TMTC2: variants seen among roughly 807,000 people sequenced by gnomAD.
TMTC2 encodes the protein protein O-mannosyl-transferase TMTC2.
In TMTC2, 43 loss-of-function variants were observed where a neutral mutation model predicts 82.4. The observed-to-expected ratio is 0.52, with a 90% CI of 0.41 to 0.67. The LOEUF is 0.67. Among genes scored for constraint, TMTC2 ranks in the 30% least tolerant of loss-of-function variants. The pLI is 0.00. For missense variants in TMTC2, 919 were observed against 1,012.4 expected, an observed-to-expected ratio of 0.91 and a Z score of 1.25; for synonymous variants, 408 against 381.9, an observed-to-expected ratio of 1.07 and a Z score of -0.80.
At chr12:83,071,267 G>T (rs966373888) in intron 11 of TMTC2, among the ~76,000 whole-genome samples, 3 of 150,398 alleles carry the variant, frequency 2.0e-5, no homozygotes, top group African/African-American at 7.4e-5. Flanking sequence ...CCATTCTCCT[G>T]CCTCAGCCTC....
chr12:83,031,082 A>G (rs1881411287), intron 9 of TMTC2, among the ~76,000 whole-genome samples: 1 of 152,106 alleles, frequency 6.6e-6, no homozygotes. Context: ...TAGTAATTTT[A>G]ATAGGATTTT....
chr12:82,800,892 A>G (rs537634688), intron 1 of TMTC2, among the ~76,000 whole-genome samples: 1 of 152,328 alleles, frequency 6.6e-6, no homozygotes, highest in South Asian at 2.1e-4. Flanking sequence ...TTATTAAACA[A>G]CAAAGAGGGG....
intron 3 of TMTC2, among the ~76,000 whole-genome samples, chr12:82,926,275 G>A (rs890289684): frequency 1.3e-5 from 2 of 152,126 alleles, no homozygotes; most frequent in Admixed American, 1.3e-4. Flanking sequence ...CACTGCGCCC[G>A]GCCACGGGAA....
chr12:82,942,660 T>G (rs1425610359), intron 4 of TMTC2, among the ~76,000 whole-genome samples: 9 of 152,322 alleles, frequency 5.9e-5, no homozygotes. Flanking sequence ...ATTCTTGAGT[T>G]TTGGCCAAGA....
rs1875855846 is a variant in TMTC2, at chr12:82,749,328, AC to A, written c.83+61660del. Among the ~76,000 whole-genome samples the A allele has an allele frequency of 3.1e-3, 4 of 1,298 alleles. No individual in the cohort carries two copies. The Non-Finnish European group carries it at 0.051, about 17-fold the overall frequency. 0.9% of individuals were successfully genotyped at this position (1,298 alleles called of 152,430 possible). A position where few individuals can be genotyped will look rare whatever the true frequency, so the allele number is the denominator to read the frequency against. On this transcript the variant is annotated intron_variant, in intron 1 of 11. Transcript: ENST00000321196. ...GACTGCTTCTACTTTAGAAACTAAT[AC>A]TCACACATTTGTATTTACACTATGA...
Position 82,869,045 on chromosome 12 carries a change from TC to T in TMTC2, c.654+11466del, listed in dbSNP as rs569666586. On this transcript the variant is annotated intron_variant, in intron 2 of 11. Coordinates refer to ENST00000321196, the MANE Select transcript of TMTC2 (RefSeq NM_152588.3). ...GGTAACTTTGGCTTACTGAGACAAA[TC>T]TATAGATAAAATTGGTTTTGGATTT... Among the ~76,000 whole-genome samples the T allele has an allele frequency of 1.4e-3, 218 of 152,268 alleles. 2 individuals are homozygous for T. Among genetic ancestry groups the T allele is most frequent in the African/African-American group, 4.8e-3 (199 of 41,538 alleles).
chr12:82,960,631 A>G (rs1877878536), intron 4 of TMTC2, among the ~76,000 whole-genome samples: 1 of 151,934 alleles, frequency 6.6e-6, no homozygotes, highest in South Asian at 2.1e-4. Context: ...TAAAGCAGAG[A>G]GGGAGGGAGG....
At chr12:83,063,164 A>T (rs1232584710) in intron 11 of TMTC2, among the ~76,000 whole-genome samples, 10 of 151,798 alleles carry the variant, frequency 6.6e-5, no homozygotes, top group Non-Finnish European at 5.9e-5. Flanking sequence ...AGGAACTTAG[A>T]AAGTCCTGTT....
At chr12:82,720,814 CAT>C (rs1874173664) in intron 1 of TMTC2, among the ~76,000 whole-genome samples, 1 of 152,158 alleles carries the variant, frequency 6.6e-6, no homozygotes, top group African/African-American at 2.4e-5. Flanking sequence ...CGTCTTTTCA[CAT>C]GTTTTCTTGT....
intron 11 of TMTC2, among the ~76,000 whole-genome samples, chr12:83,077,678 G>A (rs554388553): frequency 2.0e-5 from 3 of 151,884 alleles, no homozygotes; most frequent in South Asian, 2.1e-4. Flanking sequence ...GAGTTCAAGC[G>A]ATTCTCCTGC....
rs970372437 is a variant in TMTC2, at chr12:82,932,205, T to C, written c.1598+1660T>C. 3.3e-5 allele frequency among the ~76,000 whole-genome samples: 5 copies of C among 152,296 alleles called. No individual in the cohort carries two copies. The East Asian group carries it at 7.7e-4, about 24-fold the overall frequency. On this transcript the variant is annotated intron_variant, in intron 4 of 11. Coordinates refer to ENST00000321196, the MANE Select transcript of TMTC2 (RefSeq NM_152588.3). The stretch of plus-strand genomic sequence containing the variant: ...GATATTTAAGGGAAAGCAGACAGGA[T>C]GAGCTCAGTTTAATTTTTTGTTCAT...
At chr12:82,770,192 C>T (rs1224948554) in intron 1 of TMTC2, among the ~76,000 whole-genome samples, 1 of 152,040 alleles carries the variant, frequency 6.6e-6, no homozygotes, top group Non-Finnish European at 1.5e-5. Context: ...AACGATAAGC[C>T]TTCTAATCTG....
At chr12:82,746,159 G>A (rs1207396334) in intron 1 of TMTC2, among the ~76,000 whole-genome samples, 1 of 152,084 alleles carries the variant, frequency 6.6e-6, no homozygotes, top group Non-Finnish European at 1.5e-5. Context: ...AGCTGTTACT[G>A]GACACTAGAA....
At chr12:82,956,242 A>G (rs1418357704) in intron 4 of TMTC2, among the ~76,000 whole-genome samples, 1 of 152,134 alleles carries the variant, frequency 6.6e-6, no homozygotes, top group Non-Finnish European at 1.5e-5. Context: ...ATTAATCATT[A>G]ATGTAAGTGG....
intron 8 of TMTC2, among the ~76,000 whole-genome samples, chr12:83,023,823 A>G (rs565403540): frequency 2.6e-5 from 4 of 152,326 alleles, no homozygotes; most frequent in African/African-American, 4.8e-5. Flanking sequence ...CTTAAGTCCT[A>G]TGACACTATA....
At chr12:82,825,469 C>T (rs1869362885) in intron 1 of TMTC2, among the ~76,000 whole-genome samples, 1 of 152,122 alleles carries the variant, frequency 6.6e-6, no homozygotes, top group Non-Finnish European at 1.5e-5. Context: ...CGTAAAATTG[C>T]TTTAGTTTCT....
At chr12:82,716,503 A>G (rs374298529) in intron 1 of TMTC2, among the ~76,000 whole-genome samples, 11 of 150,990 alleles carry the variant, frequency 7.3e-5, no homozygotes, top group African/African-American at 2.2e-4. Flanking sequence ...AGCTGGGACT[A>G]CAGGCGCGCG....
intron 3 of TMTC2, among the ~76,000 whole-genome samples, chr12:82,913,225 G>A (rs900768176): frequency 6.6e-6 from 1 of 151,786 alleles, no homozygotes; most frequent in Non-Finnish European, 1.5e-5. Context: ...AGTTTTTGAG[G>A]GCAGTTGATG....
intron 1 of TMTC2, among the ~76,000 whole-genome samples, chr12:82,731,926 G>C (rs1344219926): frequency 6.6e-6 from 1 of 152,146 alleles, no homozygotes; most frequent in African/African-American, 2.4e-5. Context: ...TAAGTCATGA[G>C]GGCTTTCCCT....
Sources: allele counts gnomAD v4.1 joint callset (sites outside exome capture counted in the v4.1 genomes callset), GRCh38; gene constraint gnomAD v4.1.1; transcripts MANE v1.5; gene names NCBI Gene and HGNC (gene_info 2026-07-23, HGNC 2026-07-21).